The following CCDC175 variants were observed in gnomAD, a reference collection of about 807,000 sequenced individuals.
The protein encoded by CCDC175 is coiled-coil domain containing 175.
Under a neutral mutation model 114.6 loss-of-function variants are expected in CCDC175, and 100 were observed. That is an observed-to-expected ratio of 0.87 (90% CI 0.74 to 1.03). CCDC175 has a LOEUF of 1.03. CCDC175 is among the 50% of genes least tolerant of loss of function. CCDC175 has a pLI of 0.00. For missense variants in CCDC175, 880 were observed against 917.8 expected (o/e 0.96, Z 0.53); for synonymous variants, 306 against 308.7 (o/e 0.99, Z 0.09).
At chr14:59,562,980 T>C (rs564757206) in intron 6 of CCDC175, among the ~76,000 whole-genome samples, 93 of 152,326 alleles carry the variant, frequency 6.1e-4, no homozygotes, top group African/African-American at 2.2e-3. Flanking sequence ...CCACCCCATA[T>C]AAAATATTCA....
chr14:59,518,410 G>T (rs1023796758), intron 17 of CCDC175, among the ~76,000 whole-genome samples: 7 of 152,086 alleles, frequency 4.6e-5, no homozygotes, highest in Non-Finnish European at 8.8e-5. Context: ...GAAAATTTTT[G>T]CAATCTACTC....
intron 4 of CCDC175, among the ~76,000 whole-genome samples, chr14:59,567,357 T>C (rs1896616032): frequency 6.6e-6 from 1 of 152,170 alleles, no homozygotes; most frequent in Non-Finnish European, 1.5e-5. Flanking sequence ...TTGGGATCAA[T>C]GTCCCTGGGT....
Position 59,509,859 on chromosome 14 carries a change from C to T in CCDC175, c.2305+787G>A, listed in dbSNP as rs374539360. On this transcript the variant is annotated intron_variant, in intron 19 of 19. Transcript: ENST00000537690. ...TTTCTACATCCTACCTTCAAAATTG[C>T]TTATCTAGTGATTATGCTCTTTAAA... Among the ~76,000 whole-genome samples, 12 of 152,264 alleles carry T rather than the reference C, an allele frequency of 7.9e-5. No individual in the cohort carries two copies. In the East Asian group the frequency reaches 2.1e-3, roughly 27 times the overall value.
intron 8 of CCDC175, among the ~76,000 whole-genome samples, chr14:59,549,278 C>T (rs899449450): frequency 2.0e-5 from 3 of 152,114 alleles, no homozygotes; most frequent in African/African-American, 7.2e-5. Flanking sequence ...TTCTGGGAGA[C>T]CAAGGCAGGA....
At chr14:59,517,638 G>A (rs896971354) in intron 17 of CCDC175, among the ~76,000 whole-genome samples, 1 of 152,164 alleles carries the variant, frequency 6.6e-6, no homozygotes, top group Non-Finnish European at 1.5e-5. Flanking sequence ...TCTTCAAGGA[G>A]AACTACAAAC....
rs1038077423 is a variant in CCDC175 at position 59,531,781 on chromosome 14, T to C, written c.1753A>G (p.Ile585Val). Residue 585 changes from isoleucine to valine, a missense_variant, in exon 14 of 20, where the codon ATT (isoleucine) becomes GTT (valine). By Grantham distance (29) the Ile-to-Val change is conservative (BLOSUM62 3). Coordinates refer to ENST00000537690, the MANE Select transcript of CCDC175 (RefSeq NM_001164399.2). ...AATGCTTCATATGTACCTGTAATAA[T>C]ATTACTGAGCTCTTCTAACTTTCTT... is the stretch of plus-strand genomic sequence containing the variant. ...KRRKLEELSN[I>V]ITAQRQEEDL... The C allele has an allele frequency of 4.0e-6, 6 of 1,491,908 alleles. No individual in the cohort carries two copies. The African/African-American group carries it at 7.0e-5, about 18-fold the overall frequency. The allele number at this position is 1,491,908 out of a possible 1,614,324, so 92.4% of individuals were successfully genotyped here. A position where few individuals can be genotyped will look rare whatever the true frequency, so the allele number is the denominator to read the frequency against.
intron 15 of CCDC175, 63 bp downstream of exon 15, chr14:59,527,032 C>T: frequency 1.2e-6 from 1 of 830,066 alleles, no homozygotes. Flanking sequence ...GTAAATACTA[C>T]CATCTGTATA....
chr14:59,531,947 T>C (rs1352260160), intron 13 of CCDC175, 37 bp from the exon 14 acceptor site: 2 of 991,268 alleles, frequency 2.0e-6, no homozygotes, highest in Non-Finnish European at 2.9e-6. Flanking sequence ...AAATATAATT[T>C]TGGATAATTC....
At chr14:59,555,341 T>G (rs896627172) in intron 7 of CCDC175, among the ~76,000 whole-genome samples, 1 of 152,112 alleles carries the variant, frequency 6.6e-6, no homozygotes, top group Admixed American at 6.5e-5. Flanking sequence ...ATCCAGCATA[T>G]AAACAGAACC....
rs2104780 is a variant in CCDC175, at chr14:59,512,761, T to A, written c.2099-958A>T. 5.1e-3 allele frequency among the ~76,000 whole-genome samples: 775 copies of A among 151,900 alleles called. 29 individuals are homozygous for A. The East Asian group carries it at 0.08, about 16-fold the overall frequency. On this transcript the variant is annotated intron_variant, in intron 17 of 19. Coordinates refer to ENST00000537690, the MANE Select transcript of CCDC175 (RefSeq NM_001164399.2). ...CATTAAAAAGTCTATTCTTCCAACA[T>A]TGACTTATAGATTCAACACAAACCC... is the stretch of plus-strand genomic sequence containing the variant.
At chr14:59,516,896 T>G (rs1203901993) in intron 17 of CCDC175, among the ~76,000 whole-genome samples, 1 of 152,130 alleles carries the variant, frequency 6.6e-6, no homozygotes, top group Non-Finnish European at 1.5e-5. Flanking sequence ...ATATCCCTGA[T>G]GAACATTGAT....
At chr14:59,523,717 C>A (rs762613564) in intron 16 of CCDC175, among the ~76,000 whole-genome samples, 1 of 152,128 alleles carries the variant, frequency 6.6e-6, no homozygotes, top group East Asian at 1.9e-4. Flanking sequence ...CAGCCGGGCG[C>A]GGTGGCTCAA....
At chr14:59,515,388 T>C (rs1039098970) in intron 17 of CCDC175, among the ~76,000 whole-genome samples, 40 of 152,214 alleles carry the variant, frequency 2.6e-4, no homozygotes, top group African/African-American at 8.9e-4. Flanking sequence ...GATAAAGAGT[T>C]AAGACCCATC....
chr14:59,562,879 C>T (rs11158262), intron 6 of CCDC175, among the ~76,000 whole-genome samples: 87,566 of 151,884 alleles, frequency 0.58, 26,354 homozygotes, highest in East Asian at 0.83. Context: ...AATAATTTTT[C>T]AAATGCACAT....
At chr14:59,506,086 CTG>C (rs1892357911) in intron 19 of CCDC175, among the ~76,000 whole-genome samples, 1 of 151,984 alleles carries the variant, frequency 6.6e-6, no homozygotes, top group African/African-American at 2.4e-5. Context: ...GATACTAAAT[CTG>C]TGTTTTCTTG....
chr14:59,525,289 A>C lies in CCDC175; in HGVS notation c.1988T>G (p.Leu663Ter). Reference sequence around the variant, plus strand: ...TGGTGCTCTTAAACTTACTTCTTTTAATTTTTTATTTTCCAGGAGCAGAAG... The same window carrying C: ...TGGTGCTCTTAAACTTACTTCTTTTCATTTTTTATTTTCCAGGAGCAGAAG... ...ADLLLLENKK[L>*]KEYILYLKNN... Residue 663 changes from leucine to a stop codon, truncating the protein, a stop_gained, in exon 16 of 20, where the codon TTA becomes TGA. Coordinates refer to ENST00000537690, the MANE Select transcript of CCDC175 (RefSeq NM_001164399.2). LOFTEE classifies it high-confidence loss of function. The C allele has an allele frequency of 6.9e-7, 1 of 1,448,284 alleles. No individual in the cohort carries two copies. The highest frequency in any genetic ancestry group is 9.0e-7 in the Non-Finnish European group (1 of 1,110,516). 89.7% of individuals were successfully genotyped at this position (1,448,284 alleles called of 1,614,324 possible). A position where few individuals can be genotyped will look rare whatever the true frequency, so the allele number is the denominator to read the frequency against.
intron 8 of CCDC175, among the ~76,000 whole-genome samples, chr14:59,546,364 T>C (rs915651834): frequency 3.3e-5 from 5 of 152,186 alleles, no homozygotes; most frequent in Non-Finnish European, 5.9e-5. Context: ...CTATTGGGTA[T>C]TATGTTCACT....
At chr14:59,548,925 G>C (rs1201661379) in intron 8 of CCDC175, among the ~76,000 whole-genome samples, 1 of 152,202 alleles carries the variant, frequency 6.6e-6, no homozygotes, top group Non-Finnish European at 1.5e-5. Context: ...CTTTGTAAAA[G>C]AGGGAGAAGA....
intron 17 of CCDC175, among the ~76,000 whole-genome samples, chr14:59,517,098 G>A (rs1228366314): frequency 3.3e-5 from 5 of 152,150 alleles, no homozygotes; most frequent in African/African-American, 4.8e-5. Flanking sequence ...ATGCAGAAAA[G>A]GCCTTTGACA....
Sources: allele counts gnomAD v4.1 joint callset (sites outside exome capture counted in the v4.1 genomes callset), GRCh38; gene constraint gnomAD v4.1.1; transcripts MANE v1.5; gene names NCBI Gene and HGNC (gene_info 2026-07-23, HGNC 2026-07-21).